The following CHLSN variants were observed in gnomAD, a reference collection of about 807,000 sequenced individuals.
CHLSN encodes cholesin, also known as protein cholesin.
chr7:988,470 TG>T, the CHLSN span: 1 of 1,607,060 alleles, frequency 6.2e-7, no homozygotes, highest in South Asian at 1.1e-5. Flanking sequence ...GCTCCAGGGG[TG>T]GGACGGCCCC....
chr7:1,006,378 CGCAGGGAAAGAGCGCACGACGGCCATACT>C, the CHLSN span, among the ~76,000 whole-genome samples: 18 of 148,900 alleles, frequency 1.2e-4, no homozygotes, highest in African/African-American at 2.0e-4. Context: ...ACAGCCACAG[CGCAGGGAAAGAGCGCACGACGGCCATACT>C]GCAGGGAAAG....
At chr7:1,136,789 T>C in the CHLSN span, among the ~76,000 whole-genome samples, 1 of 151,924 alleles carries the variant, frequency 6.6e-6, no homozygotes, top group Admixed American at 6.6e-5. Flanking sequence ...AGCTTCCTAG[T>C]GTTCATCCTC....
At chr7:1,034,723 C>G in the CHLSN span, among the ~76,000 whole-genome samples, 15 of 152,150 alleles carry the variant, frequency 9.9e-5, no homozygotes, top group African/African-American at 3.4e-4. Flanking sequence ...GGTACTGAGC[C>G]TAGTACCCAG....
the CHLSN span, among the ~76,000 whole-genome samples, chr7:991,100 C>T: frequency 6.6e-6 from 1 of 152,070 alleles, no homozygotes; most frequent in South Asian, 2.1e-4. Context: ...TCTCCTTGGG[C>T]CCAGGGGAGC....
chr7:1,002,680 G>A, the CHLSN span, among the ~76,000 whole-genome samples: 1 of 112,314 alleles, frequency 8.9e-6, no homozygotes, highest in Non-Finnish European at 1.8e-5. Flanking sequence ...GGTGAGTGGA[G>A]TCCTGCGGGT....
chr7:1,018,680 G>GA, the CHLSN span, among the ~76,000 whole-genome samples: 2 of 152,208 alleles, frequency 1.3e-5, no homozygotes, highest in Non-Finnish European at 2.9e-5. Flanking sequence ...AGTGCTTTGG[G>GA]AGGCCAAGGT....
At chr7:1,014,061 GACACTTCCACAGGCTAC>G in the CHLSN span, among the ~76,000 whole-genome samples, 1 of 152,310 alleles carries the variant, frequency 6.6e-6, no homozygotes, top group South Asian at 2.1e-4. Context: ...TCACAACATG[GACACTTCCACAGGCTAC>G]CTCAAGCAAC....
chr7:1,022,942 C>A, the CHLSN span: 1 of 465,282 alleles, frequency 2.1e-6, no homozygotes, highest in Non-Finnish European at 4.4e-6. Context: ...GGCGCAGACA[C>A]TGGGGCAGGC....
At chr7:1,092,638 C>G in the CHLSN span, 5 of 1,612,666 alleles carry the variant, frequency 3.1e-6, no homozygotes, top group South Asian at 1.1e-5. Context: ...TGCCCACCCC[C>G]TCACGGGCCA....
chr7:1,039,066 T>C, the CHLSN span, among the ~76,000 whole-genome samples: 1 of 55,606 alleles, frequency 1.8e-5, no homozygotes, highest in African/African-American at 6.9e-5. Context: ...GTGGGGGGGG[T>C]CAGCCCCCCT....
chr7:1,066,240 G>A, the CHLSN span, among the ~76,000 whole-genome samples: 1 of 150,944 alleles, frequency 6.6e-6, no homozygotes, highest in African/African-American at 2.4e-5. Context: ...GAAGGGGACC[G>A]GAATGGGAAA....
chr7:1,089,754 A>G, the CHLSN span, among the ~76,000 whole-genome samples: 5,680 of 147,212 alleles, frequency 0.039, 393 homozygotes, highest in African/African-American at 0.13. Flanking sequence ...GCAATAGGTC[A>G]ACAAATCTCT....
At chr7:1,002,052 C>T in the CHLSN span, among the ~76,000 whole-genome samples, 87 of 34,888 alleles carry the variant, frequency 2.5e-3, no homozygotes, top group Admixed American at 8.4e-3. Flanking sequence ...TGGAGTCCTG[C>T]GGGTGGGGAG....
chr7:1,004,497 C>T, the CHLSN span, among the ~76,000 whole-genome samples: 5 of 152,216 alleles, frequency 3.3e-5, no homozygotes, highest in African/African-American at 1.2e-4. Flanking sequence ...CTGCTGCCTA[C>T]GGCCCTGAAC....
the CHLSN span, among the ~76,000 whole-genome samples, chr7:1,067,986 C>T: frequency 5.9e-5 from 9 of 152,158 alleles, no homozygotes; most frequent in African/African-American, 1.4e-4. Flanking sequence ...GCAGAATCAC[C>T]GCCATGCTCA....
the CHLSN span, among the ~76,000 whole-genome samples, chr7:1,015,852 G>A: frequency 3.3e-5 from 5 of 152,200 alleles, no homozygotes; most frequent in African/African-American, 1.2e-4. Flanking sequence ...ATCGAGTGCT[G>A]ACCGCCACTC....
At chr7:1,033,767 G>A in the CHLSN span, among the ~76,000 whole-genome samples, 1 of 152,050 alleles carries the variant, frequency 6.6e-6, no homozygotes, top group Non-Finnish European at 1.5e-5. Context: ...CCTCCTGAGT[G>A]AGGTGAGGAG....
the CHLSN span, chr7:1,057,878 C>T: frequency 2.6e-6 from 2 of 777,226 alleles, no homozygotes; most frequent in Non-Finnish European, 4.8e-6. Flanking sequence ...ACTCCACCGC[C>T]CTGCTGAGCC....
the CHLSN span, among the ~76,000 whole-genome samples, chr7:1,071,434 T>C: frequency 6.6e-6 from 1 of 152,102 alleles, no homozygotes; most frequent in African/African-American, 2.4e-5. Flanking sequence ...GGAGAAAAGC[T>C]GATGTGAGGT....
Sources: allele counts gnomAD v4.1 joint callset (sites outside exome capture counted in the v4.1 genomes callset), GRCh38; gene constraint gnomAD v4.1.1; transcripts MANE v1.5; gene names NCBI Gene and HGNC (gene_info 2026-07-23, HGNC 2026-07-21).